Variants in CWF19L2 observed in about 807,000 individuals in gnomAD.
The protein encoded by CWF19L2 is CWF19 like cell cycle control factor 2.
CWF19L2 carries 98 observed loss-of-function variants against 111.7 expected under a neutral mutation model. The ratio of observed to expected loss-of-function variants is 0.88; its 90% CI spans 0.75 to 1.04. The LOEUF is 1.04. Among genes scored for constraint, CWF19L2 ranks in the 50% least tolerant of loss-of-function variants. The pLI is 0.00. For synonymous variants in CWF19L2, 351 were observed against 342.9 expected (o/e 1.02, Z -0.26); for missense variants, 1,101 against 1,051.4 (o/e 1.05, Z -0.65).
At chr11:107,388,188 T>A (rs1372888949) in intron 12 of CWF19L2, among the ~76,000 whole-genome samples, 4 of 152,206 alleles carry the variant, frequency 2.6e-5, no homozygotes, top group African/African-American at 9.6e-5. Context: ...CTTTGCTTCA[T>A]TTTCTACAAA....
At chr11:107,453,951 A>G (rs1473429040) in intron 3 of CWF19L2, among the ~76,000 whole-genome samples, 1 of 151,490 alleles carries the variant, frequency 6.6e-6, no homozygotes, top group East Asian at 2.0e-4. Context: ...AGTGGGAAGG[A>G]CTGCCATTCA....
chr11:107,351,917 A>C (rs993673341), intron 13 of CWF19L2, among the ~76,000 whole-genome samples: 4 of 152,192 alleles, frequency 2.6e-5, no homozygotes, highest in Non-Finnish European at 5.9e-5. Flanking sequence ...GAATGATTTA[A>C]ATGCTGTCTT....
chr11:107,357,690 G>A (rs914866654), intron 12 of CWF19L2, among the ~76,000 whole-genome samples: 1 of 152,056 alleles, frequency 6.6e-6, no homozygotes, highest in African/African-American at 2.4e-5. Flanking sequence ...CCCTCCTCCT[G>A]CAGCCTCAAA....
intron 10 of CWF19L2, among the ~76,000 whole-genome samples, chr11:107,402,850 A>T (rs555783465): frequency 8.2e-6 from 1 of 122,532 alleles, no homozygotes; most frequent in Non-Finnish European, 1.7e-5. Context: ...TCAATCAACG[A>T]GTGGATAAAC....
intron 12 of CWF19L2, among the ~76,000 whole-genome samples, chr11:107,378,913 G>C (rs1014661406): frequency 1.3e-5 from 2 of 152,134 alleles, no homozygotes; most frequent in Non-Finnish European, 2.9e-5. Flanking sequence ...ATTGGGCATA[G>C]GAAGACAAGA....
intron 5 of CWF19L2, among the ~76,000 whole-genome samples, chr11:107,441,231 T>C (rs1440345950): frequency 1.3e-5 from 2 of 152,152 alleles, no homozygotes; most frequent in African/African-American, 4.8e-5. Flanking sequence ...AAAAATTGAG[T>C]GAGTTCACTT....
intron 3 of CWF19L2, among the ~76,000 whole-genome samples, chr11:107,454,093 A>C (rs1861818737): frequency 6.6e-6 from 1 of 152,210 alleles, no homozygotes; most frequent in Non-Finnish European, 1.5e-5. Flanking sequence ...TGCCACCCTG[A>C]AGGGAAAGAC....
chr11:107,381,810 G>A (rs1860690507), intron 12 of CWF19L2, among the ~76,000 whole-genome samples: 1 of 152,026 alleles, frequency 6.6e-6, no homozygotes, highest in Admixed American at 6.5e-5. Context: ...TACTTCCGGG[G>A]AAAATATATT....
rs1247886311 is a variant in CWF19L2 at position 107,402,873 on chromosome 11, G to GTGTA, written c.1618-9979_1618-9978insTACA. Among the ~76,000 whole-genome samples, 50 of 94,456 alleles carry GTGTA rather than the reference G, an allele frequency of 5.3e-4. 1 individual carries two copies. The highest frequency in any genetic ancestry group is 1.6e-3 in the African/African-American group (33 of 20,728). The allele number at this position is 94,456 out of a possible 152,430, so 62.0% of individuals were successfully genotyped here. On this transcript the variant is annotated intron_variant, in intron 10 of 17. Transcript: ENST00000282251. ...CGAGTGGATAAACAAACTGTGGTGT[G>GTGTA]TATATATATATATATATATATATAT...
chr11:107,396,339 TTTTTA>T (rs1565267291), intron 10 of CWF19L2, among the ~76,000 whole-genome samples: 1 of 152,218 alleles, frequency 6.6e-6, no homozygotes, highest in Non-Finnish European at 1.5e-5. Flanking sequence ...TCTGGAGGAC[TTTTTA>T]TTTTAAAAAC....
chr11:107,342,129 G>A (rs1262235505), intron 14 of CWF19L2, among the ~76,000 whole-genome samples: 1 of 151,392 alleles, frequency 6.6e-6, no homozygotes, highest in Non-Finnish European at 1.5e-5. Context: ...TCTTTTTCTA[G>A]GTTCTTGAGG....
chr11:107,334,200 A>T (rs80118784), intron 16 of CWF19L2, among the ~76,000 whole-genome samples: 1 of 152,228 alleles, frequency 6.6e-6, no homozygotes, highest in Admixed American at 6.5e-5. Context: ...TTTGTAGAAT[A>T]AACTACTTTT....
intron 14 of CWF19L2, among the ~76,000 whole-genome samples, chr11:107,340,496 G>T (rs78491743): frequency 6.6e-6 from 1 of 152,210 alleles, no homozygotes; most frequent in East Asian, 1.9e-4. Flanking sequence ...CTATTTCTGG[G>T]TTGTCTATTT....
chr11:107,414,281 C>T (rs1423369853), intron 10 of CWF19L2, among the ~76,000 whole-genome samples: 1 of 151,962 alleles, frequency 6.6e-6, no homozygotes, highest in African/African-American at 2.4e-5. Flanking sequence ...GCAGCCTGGA[C>T]CTCCTGGCCT....
intron 12 of CWF19L2, among the ~76,000 whole-genome samples, chr11:107,361,319 A>G (rs1860331255): frequency 6.6e-6 from 1 of 152,092 alleles, no homozygotes. Context: ...CTGGCTGTCT[A>G]TTGTTTACGT....
intron 3 of CWF19L2, among the ~76,000 whole-genome samples, chr11:107,453,504 G>C (rs890001358): frequency 1.3e-5 from 2 of 151,878 alleles, no homozygotes; most frequent in Non-Finnish European, 2.9e-5. Flanking sequence ...AACCACTAAA[G>C]AGCCCTTAGG....
chr11:107,422,704 A>G (rs373272520), intron 8 of CWF19L2, among the ~76,000 whole-genome samples: 4 of 152,184 alleles, frequency 2.6e-5, no homozygotes, highest in South Asian at 2.1e-4. Context: ...CCCAGATTCT[A>G]TAATACTCTA....
chr11:107,450,393 C>T (rs191645517), intron 3 of CWF19L2, among the ~76,000 whole-genome samples: 21 of 151,996 alleles, frequency 1.4e-4, no homozygotes, highest in Admixed American at 1.1e-3. Flanking sequence ...AATTTAAAAA[C>T]TCATATATAT....
intron 10 of CWF19L2, among the ~76,000 whole-genome samples, chr11:107,400,891 G>A (rs1476565126): frequency 6.6e-6 from 1 of 152,080 alleles, no homozygotes; most frequent in African/African-American, 2.4e-5. Context: ...TTTATACCAG[G>A]GATGTAGGGA....
Sources: allele counts gnomAD v4.1 joint callset (sites outside exome capture counted in the v4.1 genomes callset), GRCh38; gene constraint gnomAD v4.1.1; transcripts MANE v1.5; gene names NCBI Gene and HGNC (gene_info 2026-07-23, HGNC 2026-07-21).